Variants in ZNF91 observed in about 807,000 individuals in gnomAD.
ZNF91 encodes the protein zinc finger protein 91, also known as zinc finger protein 91 (HPF7, HTF10).
ZNF91 carries 7 observed loss-of-function variants against 12.6 expected under a neutral mutation model. That is an observed-to-expected ratio of 0.55 (90% confidence interval 0.31 to 1.04). ZNF91 has a LOEUF of 1.04. Ranked by LOEUF, ZNF91 falls within the 50% of genes least tolerant of loss-of-function variation. ZNF91 has a pLI of 0.05. For missense variants in ZNF91, 1,217 were observed against 1,385.4 expected (o/e 0.88, Z 1.93); for synonymous variants, 453 against 462.6 (o/e 0.98, Z 0.27).
At position 23,361,945 on chromosome 19, in the gene ZNF91, G is replaced by T; in HGVS notation, c.1034C>A (p.Thr345Asn). The T allele has an allele frequency of 3.7e-6, 6 of 1,613,354 alleles. No homozygotes were observed. Among genetic ancestry groups the T allele is most frequent in the Non-Finnish European group, 4.2e-6 (5 of 1,179,674 alleles). Residue 345 changes from threonine (T) to asparagine (N), a missense_variant, in exon 4 of 4, where the codon ACT (threonine) becomes AAT (asparagine). By Grantham distance (65) the Thr-to-Asn change is moderately conservative. This residue lies in a region of ZNF91 where 726 missense variants were observed against 895.5 expected (regional missense o/e 0.81). Coordinates refer to ENST00000300619, the MANE Select transcript of ZNF91 (RefSeq NM_003430.4). Reference protein sequence around the residue: ...STLAKHKRIHTGEKPYKCKEC... With the variant: ...STLAKHKRIHNGEKPYKCKEC... ...TTTACATTTGTAGGGTTTCTCTCCA[G>T]TATGAATTCTCTTATGTTTAGCAAG...
rs573381828 is a variant in ZNF91, at chr19:23,340,648, T to C, written c.254-1594A>G. On this transcript the variant is annotated intron_variant, in intron 3 of 3. Coordinates refer to the ZNF91 transcript ENST00000599743. ...AACTCTTACCAAAAATTGAGGATAA[T>C]AAAACTCTTCCTAAGTCACTCAGAG... 1.6e-4 allele frequency among the ~76,000 whole-genome samples: 24 copies of C among 152,046 alleles called. No individual in the cohort carries two copies. In the South Asian group the frequency reaches 5.0e-3, roughly 32 times the overall value.
rs34486796 is a variant in ZNF91, at chr19:23,316,166, A to ATT, written n.117-7071_117-7070dup. On this transcript the variant is annotated intron_variant and non_coding_transcript_variant, in intron 1 of 1. Coordinates refer to the ZNF91 transcript ENST00000596528. ...CTTGACCCAGCATCTAGGTGAGGTGATTTTTTTTTTTTTTTTGCCTGGTCC... is the reference window on the plus strand; with the variant it reads ...CTTGACCCAGCATCTAGGTGAGGTGATTTTTTTTTTTTTTTTTTGCCTGGTCC... 5.1e-3 allele frequency among the ~76,000 whole-genome samples: 708 copies of ATT among 137,692 alleles called. 13 individuals are homozygous for ATT. Among genetic ancestry groups the ATT allele is most frequent in the East Asian group, 0.015 (72 of 4,680 alleles). 90.3% of individuals were successfully genotyped at this position (137,692 alleles called of 152,430 possible).
chr19:23,321,229 G>A (rs1967687610), intron 1 of ZNF91, among the ~76,000 whole-genome samples: 1 of 152,102 alleles, frequency 6.6e-6, no homozygotes, highest in African/African-American at 2.4e-5. Context: ...GTGATATACT[G>A]CTGGACCCAG....
At chr19:23,348,402 A>G (rs295383) in intron 3 of ZNF91, among the ~76,000 whole-genome samples, 44,399 of 152,058 alleles carry the variant, frequency 0.29, 6,838 homozygotes, top group East Asian at 0.39. Context: ...AATTTCTTAC[A>G]CCTGTCTTTA....
At chr19:23,326,647 T>TA (rs1388812786) in intron 1 of ZNF91, 2 of 152,322 alleles carry the variant, frequency 1.3e-5, no homozygotes, top group East Asian at 3.9e-4. Flanking sequence ...ATTTCCGATA[T>TA]AAAAATGAAA....
At chr19:23,327,152 C>CA in intron 1 of ZNF91, 1 of 152,148 alleles carries the variant, frequency 6.6e-6, no homozygotes, top group South Asian at 2.1e-4. Flanking sequence ...AAATTGAATG[C>CA]AATACCAGAA....
intron 2 of ZNF91, chr19:23,307,662 G>C (rs1385176945): frequency 6.6e-6 from 1 of 152,176 alleles, no homozygotes; most frequent in Admixed American, 6.5e-5. Flanking sequence ...TCAGCTTCTA[G>C]ATTATGTGAC....
chr19:23,388,559 G>A (rs1421622449), intron 1 of ZNF91, among the ~76,000 whole-genome samples: 4 of 152,124 alleles, frequency 2.6e-5, no homozygotes, highest in African/African-American at 7.2e-5. Flanking sequence ...CATGAAGCTG[G>A]AGACCATTAT....
chr19:23,355,054 C>T (rs1368371374), downstream of ZNF91, among the ~76,000 whole-genome samples: 2 of 152,086 alleles, frequency 1.3e-5, no homozygotes, highest in African/African-American at 4.8e-5. Context: ...TCTATAAATT[C>T]AACACAATCC....
At chr19:23,386,586 AAT>A (rs1186596443) in intron 1 of ZNF91, among the ~76,000 whole-genome samples, 2 of 152,198 alleles carry the variant, frequency 1.3e-5, no homozygotes, top group Non-Finnish European at 2.9e-5. Flanking sequence ...ATGGTTGTGG[AAT>A]AACCAGCTAG....
chr19:23,386,398 G>A (rs1220286778), intron 1 of ZNF91, among the ~76,000 whole-genome samples: 1 of 152,154 alleles, frequency 6.6e-6, no homozygotes, highest in African/African-American at 2.4e-5. Flanking sequence ...TACATTACCT[G>A]TTTTCAAATT....
At chr19:23,306,583 C>G (rs1408181421) in intron 3 of ZNF91, among the ~76,000 whole-genome samples, 8 of 152,138 alleles carry the variant, frequency 5.3e-5, no homozygotes. Flanking sequence ...TGTGTCTGGC[C>G]CATATCAGCC....
chr19:23,390,068 C>A (rs900065968), intron 1 of ZNF91, among the ~76,000 whole-genome samples: 1 of 152,156 alleles, frequency 6.6e-6, no homozygotes, highest in African/African-American at 2.4e-5. Context: ...TGTAATTCCA[C>A]CACTTCGGGA....
At chr19:23,355,092 CAG>C (rs1340061568), downstream of ZNF91, among the ~76,000 whole-genome samples, 7 of 152,094 alleles carry the variant, frequency 4.6e-5, no homozygotes, top group African/African-American at 1.7e-4. Flanking sequence ...TCATTCTTCA[CAG>C]AGTTAGAAAA....
At chr19:23,350,822 C>T (rs8104021) in intron 3 of ZNF91, among the ~76,000 whole-genome samples, 28,590 of 152,010 alleles carry the variant, frequency 0.19, 2,909 homozygotes, top group Non-Finnish European at 0.21. Context: ...GACTGGGACA[C>T]TTCCTTTTTA....
rs1969832559 is a variant in ZNF91, at chr19:23,385,102, C to G, written c.30+10223G>C. On this transcript the variant is annotated intron_variant, in intron 1 of 3. Coordinates refer to ENST00000300619, the MANE Select transcript of ZNF91 (RefSeq NM_003430.4). ...GGGCAGGGACAGCCACTCCTCCAAC[C>G]TGTCCGAACAGTACCCCGAATGGCC... 3 of 843,934 alleles carry G rather than the reference C, an allele frequency of 3.6e-6. No individual in the cohort carries two copies. In the African/African-American group the frequency reaches 5.0e-5, roughly 14 times the overall value. 52.3% of individuals were successfully genotyped at this position (843,934 alleles called of 1,614,324 possible).
rs1970198956 is a variant in ZNF91 at position 23,395,344 on chromosome 19, G to T, written c.11C>A (p.Thr4Asn). The change falls in exon 1 of 4, where the codon ACC (threonine) becomes AAC (asparagine). Residue 4 changes from threonine to asparagine, a missense_variant. This residue lies in a region of ZNF91 where 726 missense variants were observed against 895.5 expected (regional missense o/e 0.81). Coordinates refer to ENST00000300619, the MANE Select transcript of ZNF91 (RefSeq NM_003430.4). The part of the protein sequence containing the change: MPG[T>N]PGSLEMGLLT... ...TCTCACCATTTCTAGGCTTCCAGGGGTTCCTGGCATCTTAGCTGTGGCTCT... is the reference window on the plus strand; with the variant it reads ...TCTCACCATTTCTAGGCTTCCAGGGTTTCCTGGCATCTTAGCTGTGGCTCT... The T allele has an allele frequency of 6.2e-7, 1 of 1,613,926 alleles. No homozygotes were observed. The highest frequency in any genetic ancestry group is 8.5e-7 in the Non-Finnish European group (1 of 1,179,916).
Position 23,395,449 on chromosome 19 carries a change from A to T in ZNF91, c.-95T>A. ...ACAGAGCAGTGAAGTCGAGACCTGG[A>T]AACTCCGGCGGCAGCGAGAGACAAA... On this transcript the variant is annotated 5_prime_UTR_variant, in exon 1 of 4. Transcript: ENST00000300619. 1 of 1,478,440 alleles carries T rather than the reference A, an allele frequency of 6.8e-7. No individual in the cohort carries two copies. Among genetic ancestry groups the T allele is most frequent in the Non-Finnish European group, 9.2e-7 (1 of 1,081,170 alleles). The allele number at this position is 1,478,440 out of a possible 1,614,324, so 91.6% of individuals were successfully genotyped here.
chr19:23,354,140 A>T (rs1968431026), downstream of ZNF91, among the ~76,000 whole-genome samples: 1 of 152,220 alleles, frequency 6.6e-6, no homozygotes, highest in Non-Finnish European at 1.5e-5. Context: ...ACACGACCAA[A>T]GAAGAAAACT....
Sources: gnomAD v4.1 joint callset for allele counts (sites outside exome capture counted in the v4.1 genomes callset) on GRCh38, gnomAD v4.1.1 for gene constraint, gnomAD v4.1.1 regional missense constraint, MANE v1.5 for transcripts, NCBI Gene and HGNC (gene_info 2026-07-23, HGNC 2026-07-21) for gene names.